Variants in CEP170 observed in about 807,000 individuals in gnomAD.
CEP170 encodes the protein centrosomal protein 170.
CEP170 carries 21 observed loss-of-function variants against 151.9 expected under a neutral mutation model. That is an observed-to-expected ratio of 0.14 (90% CI 0.10 to 0.20). The LOEUF is 0.20. Ranked by LOEUF, CEP170 falls within the 10% of genes least tolerant of loss-of-function variation. The probability of loss-of-function intolerance (pLI) is 1.00; values close to 1 mark genes in which losing one functional copy is unlikely to be tolerated. For synonymous variants in CEP170, 356 were observed against 648.8 expected (o/e 0.55, Z 6.86); for missense variants, 964 against 1,892.9 (o/e 0.51, Z 9.11).
intron 10 of CEP170, among the ~76,000 whole-genome samples, chr1:243,184,400 A>C (rs1470681232): frequency 6.6e-6 from 1 of 151,904 alleles, no homozygotes; most frequent in African/African-American, 2.4e-5. Flanking sequence ...ACTGCAAAAT[A>C]ATCTTTTAAT....
At chr1:243,206,753 GAC>G (rs1273297929) in intron 4 of CEP170, among the ~76,000 whole-genome samples, 1 of 152,100 alleles carries the variant, frequency 6.6e-6, no homozygotes, top group Non-Finnish European at 1.5e-5. Flanking sequence ...TGGGGTTTGT[GAC>G]ACACATAAAA....
At chr1:243,172,142 T>C (rs1383453001) in intron 11 of CEP170, among the ~76,000 whole-genome samples, 6 of 152,178 alleles carry the variant, frequency 3.9e-5, no homozygotes, top group African/African-American at 1.4e-4. Flanking sequence ...CATGAGCATA[T>C]AGCTCATTAA....
rs76382655 is a variant in CEP170, at chr1:243,225,341, A to G, written c.-41-20T>C. On this transcript the variant is annotated intron_variant, in intron 1 of 19. Coordinates refer to ENST00000366542, the MANE Select transcript of CEP170 (RefSeq NM_014812.3). The stretch of plus-strand genomic sequence containing the variant: ...GTCATCCTGAAGAGAAACATGAAGA[A>G]AAATATACGTTCAGATATTTTTAGC... 0.024 allele frequency: 23,512 copies of G among 994,218 alleles called. 774 individuals carry two copies. Among genetic ancestry groups the G allele is most frequent in the African/African-American group, 0.15 (8,810 of 59,714 alleles). 61.6% of individuals were successfully genotyped at this position (994,218 alleles called of 1,614,324 possible).
chr1:243,249,325 G>T (rs1343012581), intron 1 of CEP170, among the ~76,000 whole-genome samples: 1 of 151,986 alleles, frequency 6.6e-6, no homozygotes, highest in Non-Finnish European at 1.5e-5. Context: ...GGCTGAGGTG[G>T]GAGTATTGCT....
At chr1:243,253,013 G>A (rs1228035831) in intron 1 of CEP170, 1 of 152,076 alleles carries the variant, frequency 6.6e-6, no homozygotes, top group Middle Eastern at 3.2e-3. Context: ...TTGTTATGCG[G>A]AAATTTTATT....
intron 10 of CEP170, among the ~76,000 whole-genome samples, chr1:243,180,484 CTCAG>C (rs1255739720): frequency 6.6e-6 from 1 of 152,194 alleles, no homozygotes; most frequent in Non-Finnish European, 1.5e-5. Flanking sequence ...GAAAAAATTG[CTCAG>C]TCAAAAATAA....
intron 7 of CEP170, among the ~76,000 whole-genome samples, chr1:243,196,060 C>T (rs980119661): frequency 6.6e-6 from 1 of 152,078 alleles, no homozygotes; most frequent in African/African-American, 2.4e-5. Context: ...CAGTTACATT[C>T]ATATAGATGA....
At chr1:243,190,245 A>C (rs1404182274) in intron 8 of CEP170, among the ~76,000 whole-genome samples, 2 of 152,172 alleles carry the variant, frequency 1.3e-5, no homozygotes, top group African/African-American at 4.8e-5. Context: ...TTTTCCTTAT[A>C]GATAGCTTAT....
chr1:243,167,438 A>G (rs1480067116), intron 12 of CEP170, among the ~76,000 whole-genome samples: 1 of 151,712 alleles, frequency 6.6e-6, no homozygotes, highest in Non-Finnish European at 1.5e-5. Flanking sequence ...CTTTTTTTTC[A>G]AGTAGAAGCC....
intron 7 of CEP170, among the ~76,000 whole-genome samples, chr1:243,197,497 A>G (rs1165922535): frequency 6.6e-6 from 1 of 152,086 alleles, no homozygotes; most frequent in African/African-American, 2.4e-5. Flanking sequence ...TGAGAGGCCA[A>G]TGAGATGAGA....
At chr1:243,223,581 G>C (rs1031179274) in intron 2 of CEP170, among the ~76,000 whole-genome samples, 4 of 152,048 alleles carry the variant, frequency 2.6e-5, no homozygotes, top group Non-Finnish European at 5.9e-5. Context: ...GAACACTGAC[G>C]GTACATAAAC....
intron 1 of CEP170, among the ~76,000 whole-genome samples, chr1:243,241,965 G>A (rs554580776): frequency 6.6e-6 from 1 of 152,036 alleles, no homozygotes; most frequent in Non-Finnish European, 1.5e-5. Flanking sequence ...ACAATGTACT[G>A]ATTTAGAATG....
intron 1 of CEP170, among the ~76,000 whole-genome samples, chr1:243,233,181 T>C (rs913298775): frequency 2.0e-5 from 3 of 152,332 alleles, no homozygotes; most frequent in Non-Finnish European, 4.4e-5. Flanking sequence ...GGGTGTCAGA[T>C]GGATGTGAAC....
At chr1:243,222,985 A>C (rs1378571073) in intron 2 of CEP170, among the ~76,000 whole-genome samples, 1 of 152,226 alleles carries the variant, frequency 6.6e-6, no homozygotes, top group African/African-American at 2.4e-5. Context: ...AATTGCTTAA[A>C]ATTCATTTTT....
intron 16 of CEP170, 149 bp from the exon 17 acceptor site, chr1:243,136,380 T>C (rs2055081704): frequency 1.9e-6 from 2 of 1,063,228 alleles, no homozygotes; most frequent in South Asian, 1.9e-5. Context: ...ATAATTAATA[T>C]GTAACTAAAA....
In CEP170 at chr1:243,165,127, T is replaced by C; in HGVS notation, c.2833A>G (p.Thr945Ala). ...VDTASTISLV[T>A]GETERKSTQK... ...GTTGACTTTCTTTCAGTTTCTCCAG[T>C]AACCAGACTGATTGTACTAGCTGTA... Residue 945 changes from threonine to alanine, a missense_variant, in exon 13 of 20, where the codon ACT becomes GCT. Thr to Ala is a moderately conservative substitution (Grantham distance 58). Coordinates refer to ENST00000366542, the MANE Select transcript of CEP170 (RefSeq NM_014812.3). The C allele has an allele frequency of 6.2e-7, 1 of 1,613,170 alleles. No homozygotes were observed. The highest frequency in any genetic ancestry group is 8.5e-7 in the Non-Finnish European group (1 of 1,179,562).
chr1:243,219,500 T>C (rs1301726750), intron 3 of CEP170, among the ~76,000 whole-genome samples: 2 of 152,206 alleles, frequency 1.3e-5, no homozygotes, highest in Non-Finnish European at 2.9e-5. Flanking sequence ...ATAATCAAAT[T>C]ATAAGAAAGG....
chr1:243,237,978 A>G (rs977680451), intron 1 of CEP170, among the ~76,000 whole-genome samples: 4 of 152,218 alleles, frequency 2.6e-5, no homozygotes, highest in Non-Finnish European at 2.9e-5. Flanking sequence ...TCTTTTGTCT[A>G]AAATTTTTAA....
At chr1:243,226,084 A>T (rs1226346716) in intron 1 of CEP170, among the ~76,000 whole-genome samples, 11 of 142,412 alleles carry the variant, frequency 7.7e-5, no homozygotes, top group South Asian at 4.3e-4. Context: ...TCTAGATATA[A>T]ATATATCTAT....
Sources: allele counts gnomAD v4.1 joint callset (sites outside exome capture counted in the v4.1 genomes callset), GRCh38; gene constraint gnomAD v4.1.1; transcripts MANE v1.5; gene names NCBI Gene and HGNC (gene_info 2026-07-23, HGNC 2026-07-21).